The following TGIF1 variants were observed in gnomAD, a reference collection of about 807,000 sequenced individuals.
TGIF1 encodes the protein homeobox protein TGIF1.
TGIF1 carries 4 observed loss-of-function variants against 19.3 expected under a neutral mutation model. The ratio of observed to expected loss-of-function variants is 0.21; its 90% CI spans 0.10 to 0.47. TGIF1 has a LOEUF of 0.47. TGIF1 is among the 20% of genes least tolerant of loss of function. The pLI, the probability that TGIF1 is intolerant of heterozygous loss-of-function variation, is 0.98. For synonymous variants in TGIF1, 122 were observed against 129.3 expected, an observed-to-expected ratio of 0.94 and a Z score of 0.38; for missense variants, 275 against 341.4, an observed-to-expected ratio of 0.81 and a Z score of 1.53.
intron 2 of TGIF1, among the ~76,000 whole-genome samples, chr18:3,436,676 G>A (rs988918603): frequency 4.0e-5 from 6 of 149,666 alleles, no homozygotes; most frequent in Middle Eastern, 3.2e-3. Flanking sequence ...AAAATTAGCC[G>A]GTTGTGGTGT....
At chr18:3,431,404 C>T (rs1301060392) in intron 2 of TGIF1, among the ~76,000 whole-genome samples, 1 of 151,702 alleles carries the variant, frequency 6.6e-6, no homozygotes, top group Non-Finnish European at 1.5e-5. Flanking sequence ...CCATTGCACT[C>T]CAGTCTGGGC....
intron 2 of TGIF1, among the ~76,000 whole-genome samples, chr18:3,426,641 C>T (rs952134293): frequency 7.2e-5 from 11 of 152,136 alleles, no homozygotes; most frequent in African/African-American, 1.2e-4. Flanking sequence ...CCATTCATTG[C>T]TAGTGGAAAT....
At chr18:3,432,985 C>A (rs563166147) in intron 2 of TGIF1, among the ~76,000 whole-genome samples, 35 of 152,232 alleles carry the variant, frequency 2.3e-4, no homozygotes, top group African/African-American at 8.2e-4. Flanking sequence ...TCTCGAACTC[C>A]CGACCTCAGG....
At chr18:3,438,607 A>G (rs978664594) in intron 2 of TGIF1, among the ~76,000 whole-genome samples, 8 of 151,382 alleles carry the variant, frequency 5.3e-5, no homozygotes, top group Non-Finnish European at 1.2e-4. Flanking sequence ...ACACACACAC[A>G]CACACACACA....
At chr18:3,424,560 C>G (rs1029005522) in intron 2 of TGIF1, among the ~76,000 whole-genome samples, 1 of 144,538 alleles carries the variant, frequency 6.9e-6, no homozygotes, top group Non-Finnish European at 1.5e-5. Flanking sequence ...CTTGGAATCT[C>G]CTTGTGTGCT....
At chr18:3,450,083 G>GGCGGAGGA (rs1216206244), upstream of TGIF1, 5 of 1,047,558 alleles carry the variant, frequency 4.8e-6, no homozygotes, top group Non-Finnish European at 4.6e-6. Flanking sequence ...GCGGGGGAGG[G>GGCGGAGGA]GCGGAGGAGC....
chr18:3,445,681 G>C (rs563558314), upstream of TGIF1, among the ~76,000 whole-genome samples: 1 of 118,428 alleles, frequency 8.4e-6, no homozygotes, highest in East Asian at 3.0e-4. Context: ...CCGAGATTGC[G>C]CCACTGCACT....
chr18:3,422,689 T>TG (rs2082419371), intron 2 of TGIF1, among the ~76,000 whole-genome samples: 5 of 136,448 alleles, frequency 3.7e-5, no homozygotes, highest in African/African-American at 1.3e-4. Context: ...TTTTTTTTTT[T>TG]TTTTTTTTTT....
chr18:3,452,356 G>A (rs1480370751), intron 1 of TGIF1: 1 of 1,613,302 alleles, frequency 6.2e-7, no homozygotes, highest in Non-Finnish European at 8.5e-7. Context: ...CCAGCTCCTC[G>A]GCGCCGACTC....
Position 3,456,391 on chromosome 18 carries a change from G to A in TGIF1, c.54G>A (p.Glu18=). The A allele has an allele frequency of 6.2e-7, 1 of 1,614,230 alleles. No homozygotes were observed. Among genetic ancestry groups the A allele is most frequent in the Non-Finnish European group, 8.5e-7 (1 of 1,180,042 alleles). Residue 18 remains glutamate, a synonymous_variant, in exon 2 of 3, where the codon GAG becomes GAA. Transcript: ENST00000343820. This position sits in a 1 kb window ranked among gnomAD's most constrained non-coding sequence, Gnocchi z 4.2. ...CATCTGGCAGTGAGACTGAGGATGAGGACAGCATGGACATTCCCTTGGACC... is the reference window on the plus strand; with the variant it reads ...CATCTGGCAGTGAGACTGAGGATGAAGACAGCATGGACATTCCCTTGGACC... The part of the protein sequence containing the change: ...VAASGSETED[E]DSMDIPLDLS...
At chr18:3,436,530 T>G (rs1004640221) in intron 2 of TGIF1, among the ~76,000 whole-genome samples, 9 of 152,144 alleles carry the variant, frequency 5.9e-5, no homozygotes, top group Admixed American at 2.0e-4. Context: ...AAAGAAGCCC[T>G]GAATGTAGCC....
intron 2 of TGIF1, among the ~76,000 whole-genome samples, chr18:3,438,770 A>G (rs1182701922): frequency 2.0e-5 from 3 of 152,230 alleles, no homozygotes; most frequent in African/African-American, 7.2e-5. Context: ...CAAGGCGCGT[A>G]GTCTGACCGG....
At position 3,459,231 on chromosome 18, in the gene TGIF1, TGAGGGAGCATCA is replaced by T. The variant is rs1165705537; in HGVS notation, c.*1295_*1306del. 6.6e-6 allele frequency: 1 copy of T among 152,126 alleles called. No individual in the cohort carries two copies. The highest frequency in any genetic ancestry group is 1.5e-5 in the Non-Finnish European group (1 of 67,974). The allele number at this position is 152,126 out of a possible 1,614,324, so 9.4% of individuals were successfully genotyped here. A position where few individuals can be genotyped will look rare whatever the true frequency, so the allele number is the denominator to read the frequency against. On this transcript the variant is annotated 3_prime_UTR_variant, in exon 3 of 3. Transcript: ENST00000343820. ...GCCCCAGCTATGAATTGTCTAAGTGTGAGGGAGCATCAGAGCTTCAGTATTGTTTAAAGAATG... is the reference window on the plus strand; with the variant it reads ...GCCCCAGCTATGAATTGTCTAAGTGTGAGCTTCAGTATTGTTTAAAGAATG...
chr18:3,432,144 A>AAAAAAAAAAAAAAAG lies in TGIF1; in HGVS notation c.-45+13929_-45+13930insAAAAAAAAAAAAAAG, dbSNP rs199561203. Among the ~76,000 whole-genome samples, 4 of 138,464 alleles carry AAAAAAAAAAAAAAAG rather than the reference A, an allele frequency of 2.9e-5. 1 individual carries two copies. The highest frequency in any genetic ancestry group is 2.8e-5 in the African/African-American group (1 of 36,026). 90.8% of individuals were successfully genotyped at this position (138,464 alleles called of 152,430 possible). On this transcript the variant is annotated intron_variant, in intron 2 of 3. Coordinates refer to the TGIF1 transcript ENST00000401449. ...CTGTCAAAAAAAAAAAAAAAAAAAA[A>AAAAAAAAAAAAAAAG]CACTAAGAAAGCTAAGGAAGGCGAA...
upstream of TGIF1, among the ~76,000 whole-genome samples, chr18:3,446,651 G>A (rs907425580): frequency 6.6e-6 from 1 of 152,172 alleles, no homozygotes; most frequent in African/African-American, 2.4e-5. Flanking sequence ...GGAAGCTGAG[G>A]AGAATTATCC....
upstream of TGIF1, among the ~76,000 whole-genome samples, chr18:3,445,752 A>AAG (rs1555648622): frequency 7.0e-3 from 810 of 115,010 alleles, 74 homozygotes; most frequent in African/African-American, 0.03. Flanking sequence ...AAAAAAAAAA[A>AAG]AGAGAAGAAA....
chr18:3,421,818 G>A (rs910597925), intron 2 of TGIF1, among the ~76,000 whole-genome samples: 2 of 152,034 alleles, frequency 1.3e-5, no homozygotes, highest in Admixed American at 6.6e-5. Flanking sequence ...TGCAAAAGAC[G>A]GCATTGTTAC....
intron 1 of TGIF1, chr18:3,452,495 T>TG: frequency 1.3e-6 from 2 of 1,498,938 alleles, no homozygotes; most frequent in South Asian, 1.2e-5. Flanking sequence ...GCGAGTCGTC[T>TG]GGGGTGGGCA....
At position 3,424,558 on chromosome 18, in the gene TGIF1, C is replaced by T. The variant is rs543803400; in HGVS notation, c.-45+6343C>T. On this transcript the variant is annotated intron_variant, in intron 2 of 3. Transcript: ENST00000401449. ...AAGCAACTTCTAAAATCCTTGGAAT[C>T]TCCTTGTGTGCTAATGAATTGACCT... is the stretch of plus-strand genomic sequence containing the variant. Among the ~76,000 whole-genome samples, 256 of 146,446 alleles carry T rather than the reference C, an allele frequency of 1.7e-3. 1 individual carries two copies. The highest frequency in any genetic ancestry group is 6.2e-3 in the African/African-American group (251 of 40,174).
Sources: gnomAD v4.1 joint callset for allele counts (sites outside exome capture counted in the v4.1 genomes callset) on GRCh38, gnomAD v4.1.1 for gene constraint, Gnocchi (gnomAD v3.1) non-coding constraint, MANE v1.5 for transcripts, NCBI Gene and HGNC (gene_info 2026-07-23, HGNC 2026-07-21) for gene names.